Variants in TPST2 observed in about 807,000 individuals in gnomAD.
TPST2 encodes the protein tyrosylprotein sulfotransferase 2.
A neutral mutation model predicts 27.8 loss-of-function variants in TPST2; 16 were observed. That is an observed-to-expected ratio of 0.58 (90% confidence interval 0.39 to 0.88). TPST2 has a LOEUF of 0.88. Ranked by LOEUF, TPST2 falls within the 40% of genes least tolerant of loss-of-function variation. The pLI is 0.00. For missense variants in TPST2, 464 were observed against 543.1 expected (o/e 0.85, Z 1.45); for synonymous variants, 229 against 231.7 (o/e 0.99, Z 0.10).
chr22:26,555,888 G>T (rs1926769341), intron 1 of TPST2, among the ~76,000 whole-genome samples: 1 of 152,176 alleles, frequency 6.6e-6, no homozygotes, highest in African/African-American at 2.4e-5. Context: ...GAGGCGGAAT[G>T]GGCTGCTCAC....
At chr22:26,562,028 G>T (rs1158335666) in intron 1 of TPST2, among the ~76,000 whole-genome samples, 4 of 152,226 alleles carry the variant, frequency 2.6e-5, no homozygotes, top group Admixed American at 1.3e-4. Context: ...CTGGGTGCCA[G>T]CCGGGCTGGT....
Position 26,524,338 on chromosome 22 carries a change from T to A in TPST2, c.*1937A>T, listed in dbSNP as rs1924711664. On this transcript the variant is annotated 3_prime_UTR_variant, in exon 7 of 7. Coordinates refer to ENST00000338754, the MANE Select transcript of TPST2 (RefSeq NM_003595.5). ...GCCTGAACAGCATAGAAAGACCTCG[T>A]CTCTACAGAAAAAAAAAAATTTAAA... 1.3e-5 allele frequency: 2 copies of A among 151,338 alleles called. No homozygotes were observed. The highest frequency in any genetic ancestry group is 2.9e-5 in the Non-Finnish European group (2 of 67,936). The allele number at this position is 151,338 out of a possible 1,614,324, so 9.4% of individuals were successfully genotyped here. A position where few individuals can be genotyped will look rare whatever the true frequency, so the allele number is the denominator to read the frequency against.
chr22:26,562,842 C>T (rs999937422), intron 1 of TPST2, among the ~76,000 whole-genome samples: 4 of 152,132 alleles, frequency 2.6e-5, no homozygotes, highest in Non-Finnish European at 5.9e-5. Context: ...AGGCTGGTCT[C>T]AAACTCTCGA....
chr22:26,538,461 TC>T (rs1925604559), intron 3 of TPST2, among the ~76,000 whole-genome samples: 1 of 152,186 alleles, frequency 6.6e-6, no homozygotes, highest in East Asian at 1.9e-4. Context: ...AACCGAAGTG[TC>T]CAACAATAGG....
chr22:26,530,093 A>G (rs1925069758), intron 5 of TPST2, among the ~76,000 whole-genome samples: 1 of 152,106 alleles, frequency 6.6e-6, no homozygotes, highest in African/African-American at 2.4e-5. Context: ...TTATCCACAA[A>G]CTGAAACTTC....
chr22:26,577,267 A>G (rs1290940924), intron 1 of TPST2, among the ~76,000 whole-genome samples: 2 of 133,814 alleles, frequency 1.5e-5, no homozygotes, highest in Non-Finnish European at 3.0e-5. Flanking sequence ...CCTGTCTTTA[A>G]AAAAAAAAAA....
chr22:26,581,110 C>T (rs148757957), intron 1 of TPST2, among the ~76,000 whole-genome samples: 106 of 152,204 alleles, frequency 7.0e-4, no homozygotes, highest in African/African-American at 2.5e-3. Flanking sequence ...CATACCAGGC[C>T]ACAGAGTCTC....
chr22:26,571,270 G>A (rs984260201), intron 1 of TPST2, among the ~76,000 whole-genome samples: 22 of 151,994 alleles, frequency 1.4e-4, no homozygotes, highest in African/African-American at 4.8e-4. Flanking sequence ...GGCTGTGCCC[G>A]CTGCCCGGAT....
chr22:26,532,766 T>C, intron 4 of TPST2, 21 bp from the exon 5 acceptor site: 2 of 1,610,286 alleles, frequency 1.2e-6, no homozygotes, highest in Non-Finnish European at 1.7e-6. Flanking sequence ...GAAAAAGAAA[T>C]ATCACTATTA....
chr22:26,555,369 C>G (rs758195449), intron 1 of TPST2: 1 of 430,072 alleles, frequency 2.3e-6, no homozygotes, highest in Non-Finnish European at 4.6e-6. Flanking sequence ...GTGCAGGGGT[C>G]AGGAGTGTAG....
intron 1 of TPST2, among the ~76,000 whole-genome samples, chr22:26,588,282 G>A (rs1168248375): frequency 6.6e-6 from 1 of 151,784 alleles, no homozygotes; most frequent in Admixed American, 6.6e-5. Context: ...AAAAGCATCA[G>A]ATACCAAAGG....
intron 1 of TPST2, among the ~76,000 whole-genome samples, chr22:26,582,283 C>G (rs566042425): frequency 6.6e-6 from 1 of 152,012 alleles, no homozygotes; most frequent in African/African-American, 2.4e-5. Context: ...AAAAATTAGC[C>G]GGGCATGGTG....
chr22:26,588,243 G>A (rs1225716319), intron 1 of TPST2, among the ~76,000 whole-genome samples: 2 of 151,980 alleles, frequency 1.3e-5, no homozygotes, highest in Non-Finnish European at 1.5e-5. Flanking sequence ...GCTGCAAGGG[G>A]CTGAACCTTA....
intron 6 of TPST2, among the ~76,000 whole-genome samples, chr22:26,526,529 A>AT (rs1225858964): frequency 1.3e-5 from 2 of 152,234 alleles, no homozygotes; most frequent in Non-Finnish European, 2.9e-5. Context: ...TGATTATGTG[A>AT]TAAATACTGA....
Position 26,532,758 on chromosome 22 carries a change from A to G in TPST2, c.1042-13T>C. On this transcript the variant is annotated splice_polypyrimidine_tract_variant and intron_variant, in intron 4 of 6. Transcript: ENST00000338754. Reference sequence around the variant, plus strand: ...CCCCTTTCAAGACCTAAGGAAGAGAAAAAGAAATATCACTATTATGAAAAT... The same window carrying G: ...CCCCTTTCAAGACCTAAGGAAGAGAGAAAGAAATATCACTATTATGAAAAT... 2 of 1,611,864 alleles carry G rather than the reference A, an allele frequency of 1.2e-6. No homozygotes were observed. Among genetic ancestry groups the G allele is most frequent in the Non-Finnish European group, 1.7e-6 (2 of 1,179,230 alleles).
At chr22:26,529,995 A>G (rs1396403984) in intron 5 of TPST2, among the ~76,000 whole-genome samples, 1 of 152,228 alleles carries the variant, frequency 6.6e-6, no homozygotes, top group Non-Finnish European at 1.5e-5. Context: ...ACGTCAAGAA[A>G]GTAGCCAGAA....
chr22:26,558,256 A>C (rs578186572), intron 1 of TPST2, among the ~76,000 whole-genome samples: 1 of 151,856 alleles, frequency 6.6e-6, no homozygotes, highest in African/African-American at 2.4e-5. Context: ...CTCCTGCCTC[A>C]GCCTCCTGAG....
chr22:26,565,328 A>C (rs1490030447), intron 1 of TPST2: 2 of 152,336 alleles, frequency 1.3e-5, no homozygotes, highest in East Asian at 3.9e-4. Flanking sequence ...CTTGGTGGCC[A>C]AGGTCTCTCT....
chr22:26,541,153 G>A lies in TPST2; in HGVS notation c.478C>T (p.Pro160Ser). The A allele has an allele frequency of 6.2e-7, 1 of 1,606,558 alleles. No individual in the cohort carries two copies. The highest frequency in any genetic ancestry group is 8.5e-7 in the Non-Finnish European group (1 of 1,175,114). ...TAGACCGAGGACTTGAGCGTAAATG[G>A]GTCCTTGTTGCAGAGCACGCGGGCC... ...EPARVLCNKD[P>S]FTLKSSVYLS... is the part of the protein sequence containing the mutation. The change falls in exon 3 of 7, where the codon CCA (proline) becomes TCA (serine). Residue 160 changes from proline (P) to serine (S), a missense_variant. Physicochemically the swap from Pro to Ser is moderately conservative, Grantham distance 74. Transcript: ENST00000338754. This position sits in a 1 kb window ranked among gnomAD's most constrained non-coding sequence, Gnocchi z 5.9.
Sources: gnomAD v4.1 joint callset for allele counts (sites outside exome capture counted in the v4.1 genomes callset) on GRCh38, gnomAD v4.1.1 for gene constraint, Gnocchi (gnomAD v3.1) non-coding constraint, MANE v1.5 for transcripts, NCBI Gene and HGNC (gene_info 2026-07-23, HGNC 2026-07-21) for gene names.